The following TBCK variants were observed in gnomAD, a reference collection of about 807,000 sequenced individuals.
The protein encoded by TBCK is TBC1 domain containing kinase, also known as TBC domain-containing protein kinase-like protein.
Under a neutral mutation model 113.4 loss-of-function variants are expected in TBCK, and 99 were observed. That is an observed-to-expected ratio of 0.87 (90% CI 0.74 to 1.03). The LOEUF (loss-of-function observed/expected upper bound fraction) is 1.03. Among genes scored for constraint, TBCK ranks in the 50% least tolerant of loss-of-function variants. TBCK has a pLI of 0.00. For synonymous variants in TBCK, 369 were observed against 370.8 expected, an observed-to-expected ratio of 1.00 and a Z score of 0.05; for missense variants, 1,045 against 1,061.3, an observed-to-expected ratio of 0.98 and a Z score of 0.21.
chr4:106,279,058 G>C (rs1308077180), intron 3 of TBCK, among the ~76,000 whole-genome samples: 2 of 152,062 alleles, frequency 1.3e-5, no homozygotes, highest in African/African-American at 4.8e-5. Context: ...CAGGAAATTA[G>C]ACTAGTTAAT....
chr4:106,227,111 G>A (rs1408971336), intron 19 of TBCK, among the ~76,000 whole-genome samples: 1 of 151,966 alleles, frequency 6.6e-6, no homozygotes, highest in Non-Finnish European at 1.5e-5. Context: ...CCACACTGTA[G>A]AAAATGTGCA....
chr4:106,068,205 G>A (rs1344174463), intron 25 of TBCK, among the ~76,000 whole-genome samples: 2 of 151,956 alleles, frequency 1.3e-5, no homozygotes, highest in East Asian at 3.9e-4. Flanking sequence ...ACAACGTGCA[G>A]GTTTGTTACA....
At chr4:106,278,728 A>G (rs1265980567) in intron 3 of TBCK, among the ~76,000 whole-genome samples, 1 of 152,074 alleles carries the variant, frequency 6.6e-6, no homozygotes, top group Admixed American at 6.5e-5. Context: ...TATAAAATGT[A>G]TAACAAAACT....
At chr4:106,182,248 T>G (rs955217513) in intron 22 of TBCK, 2 of 152,220 alleles carry the variant, frequency 1.3e-5, no homozygotes, top group Non-Finnish European at 2.9e-5. Context: ...CAGTTGCTTA[T>G]CAGCTTAAGG....
chr4:106,210,324 T>C (rs1755982915), intron 20 of TBCK, among the ~76,000 whole-genome samples: 1 of 152,146 alleles, frequency 6.6e-6, no homozygotes, highest in East Asian at 1.9e-4. Context: ...TTGATGTTGT[T>C]TCCATAGGAT....
intron 23 of TBCK, among the ~76,000 whole-genome samples, chr4:106,155,337 T>C (rs1456492827): frequency 6.6e-6 from 1 of 152,162 alleles, no homozygotes; most frequent in Admixed American, 6.6e-5. Flanking sequence ...GGTAGTCTTC[T>C]TTGAATCAAA....
intron 18 of TBCK, 70 bp from the exon 19 acceptor site, chr4:106,230,516 C>A: frequency 1.3e-6 from 1 of 775,280 alleles, no homozygotes; most frequent in African/African-American, 1.8e-5. Flanking sequence ...GTAATGCATT[C>A]ACTTAGCACA....
chr4:106,202,058 C>A (rs1192728137), intron 20 of TBCK, among the ~76,000 whole-genome samples: 1 of 151,900 alleles, frequency 6.6e-6, no homozygotes, highest in East Asian at 1.9e-4. Flanking sequence ...GAACATCTGG[C>A]ATTTAGTAAA....
chr4:106,194,627 T>C lies in TBCK; in HGVS notation c.1897+91A>G, dbSNP rs753349180. 55 of 994,826 alleles carry C rather than the reference T, an allele frequency of 5.5e-5. 1 individual carries two copies. Among genetic ancestry groups the C allele is most frequent in the Admixed American group, 1.7e-4 (7 of 41,998 alleles). 61.6% of individuals were successfully genotyped at this position (994,826 alleles called of 1,614,324 possible). ...ACATAAAAATACTTACTAAATCTGC[T>C]CAATGTTATTGTAAATATAAAATAT... On this transcript the variant is annotated intron_variant, in intron 21 of 25. Coordinates refer to ENST00000394708, the MANE Select transcript of TBCK (RefSeq NM_001163435.3).
chr4:106,180,803 C>T (rs1752270742), intron 22 of TBCK, among the ~76,000 whole-genome samples: 1 of 152,064 alleles, frequency 6.6e-6, no homozygotes, highest in Non-Finnish European at 1.5e-5. Context: ...TGGGTTGGTT[C>T]CAAGTCTTTG....
intron 23 of TBCK, among the ~76,000 whole-genome samples, chr4:106,142,191 GTA>G (rs1747207231): frequency 1.0e-5 from 1 of 96,704 alleles, no homozygotes; most frequent in Non-Finnish European, 2.7e-5. Context: ...GTTAATTTCT[GTA>G]GGATATCTAA....
chr4:106,097,549 A>G (rs1741069005), intron 24 of TBCK, among the ~76,000 whole-genome samples: 1 of 152,174 alleles, frequency 6.6e-6, no homozygotes, highest in Non-Finnish European at 1.5e-5. Flanking sequence ...ATAAATAAGT[A>G]TATTTATAAT....
intron 25 of TBCK, among the ~76,000 whole-genome samples, chr4:106,060,337 A>ACTCC: frequency 6.6e-6 from 1 of 151,876 alleles, no homozygotes; most frequent in Admixed American, 6.6e-5. Flanking sequence ...TTAGAGGCTA[A>ACTCC]TGTAGATGGT....
At chr4:106,300,318 T>C (rs2064090801) in intron 2 of TBCK, among the ~76,000 whole-genome samples, 1 of 152,098 alleles carries the variant, frequency 6.6e-6, no homozygotes, top group South Asian at 2.1e-4. Flanking sequence ...ACTAAGAAAC[T>C]GAAGAGAACA....
chr4:106,072,142 C>T (rs568485181), intron 25 of TBCK, among the ~76,000 whole-genome samples: 18 of 152,234 alleles, frequency 1.2e-4, no homozygotes, highest in African/African-American at 2.2e-4. Context: ...GTCATTATGA[C>T]GCTAGCTGGT....
chr4:106,176,025 AT>A (rs1751626419), intron 22 of TBCK, among the ~76,000 whole-genome samples: 1 of 152,100 alleles, frequency 6.6e-6, no homozygotes, highest in African/African-American at 2.4e-5. Context: ...CTTTACTGTT[AT>A]TTTTAAATTA....
chr4:106,197,705 C>G (rs75780217), intron 20 of TBCK, among the ~76,000 whole-genome samples: 2,488 of 151,982 alleles, frequency 0.016, 32 homozygotes, highest in Middle Eastern at 0.088. Flanking sequence ...TTGAAAGGAT[C>G]AAATTGTTTC....
intron 23 of TBCK, among the ~76,000 whole-genome samples, chr4:106,120,749 G>C (rs915782578): frequency 7.9e-5 from 12 of 152,290 alleles, no homozygotes; most frequent in African/African-American, 2.9e-4. Flanking sequence ...ACCTGTAGCT[G>C]AGGGTCCTGT....
chr4:106,280,586 C>T (rs1764487692), intron 3 of TBCK, among the ~76,000 whole-genome samples: 1 of 152,090 alleles, frequency 6.6e-6, no homozygotes, highest in South Asian at 2.1e-4. Flanking sequence ...GTCTTTAATC[C>T]ATTTTGATTT....
Sources: allele counts gnomAD v4.1 joint callset (sites outside exome capture counted in the v4.1 genomes callset), GRCh38; gene constraint gnomAD v4.1.1; transcripts MANE v1.5; gene names NCBI Gene and HGNC (gene_info 2026-07-23, HGNC 2026-07-21).